The following CCDC171 variants were observed in gnomAD, a reference collection of about 807,000 sequenced individuals.
CCDC171 encodes coiled-coil domain-containing protein 171.
Under a neutral mutation model 168.2 loss-of-function variants are expected in CCDC171, and 177 were observed. That is an observed-to-expected ratio of 1.05 (90% CI 0.93 to 1.19). The LOEUF (loss-of-function observed/expected upper bound fraction) is 1.19, where lower values mean the gene tolerates loss of function less well. Ranked by LOEUF, CCDC171 falls within the 50% of genes most tolerant of loss-of-function variation. CCDC171 has a pLI of 0.00. For missense variants in CCDC171, 1,991 were observed against 1,539.0 expected (o/e 1.29, Z -4.91); for synonymous variants, 687 against 540.8 (o/e 1.27, Z -3.75).
chr9:16,078,281 G>C, the CCDC171 span, among the ~76,000 whole-genome samples: 1 of 152,128 alleles, frequency 6.6e-6, no homozygotes, highest in Non-Finnish European at 1.5e-5. Flanking sequence ...TGAATCTAGA[G>C]GGCAGAGCAG....
chr9:15,862,394 ATAT>A (rs2061599677), intron 23 of CCDC171, among the ~76,000 whole-genome samples: 1 of 151,138 alleles, frequency 6.6e-6, no homozygotes, highest in Admixed American at 6.6e-5. Flanking sequence ...TTCTGCCCTA[ATAT>A]TTGTTCCTCT....
intron 3 of CCDC171, among the ~76,000 whole-genome samples, chr9:15,990,627 T>C (rs1483000291): frequency 6.6e-6 from 1 of 152,144 alleles, no homozygotes; most frequent in Non-Finnish European, 1.5e-5. Context: ...AGACACAGAC[T>C]GGCAAACTGG....
chr9:15,699,796 A>G (rs376369671), intron 11 of CCDC171, among the ~76,000 whole-genome samples: 141 of 152,334 alleles, frequency 9.3e-4, no homozygotes, highest in African/African-American at 3.1e-3. Flanking sequence ...AGGTCCCACC[A>G]GAGTAGCCAG....
At chr9:15,943,837 TAA>T (rs1827990750) in intron 25 of CCDC171, among the ~76,000 whole-genome samples, 1 of 151,944 alleles carries the variant, frequency 6.6e-6, no homozygotes, top group Non-Finnish European at 1.5e-5. Flanking sequence ...TGTAGTGCAA[TAA>T]GGTGATAAAT....
intron 24 of CCDC171, among the ~76,000 whole-genome samples, chr9:15,885,139 T>C (rs1213367286): frequency 6.6e-6 from 1 of 152,222 alleles, no homozygotes; most frequent in African/African-American, 2.4e-5. Context: ...AATTTTGGGA[T>C]GATTTCAAAT....
chr9:15,756,556 G>A (rs1006333088), intron 18 of CCDC171, among the ~76,000 whole-genome samples: 1 of 152,096 alleles, frequency 6.6e-6, no homozygotes, highest in African/African-American at 2.4e-5. Flanking sequence ...TACTCTAGTA[G>A]TCCCCAGTGT....
chr9:15,686,428 T>C (rs1381367540), intron 10 of CCDC171, among the ~76,000 whole-genome samples: 1 of 151,928 alleles, frequency 6.6e-6, no homozygotes, highest in African/African-American at 2.4e-5. Flanking sequence ...ATCGGGAGAA[T>C]GGCGTGAACC....
chr9:15,727,720 A>G (rs1467571764), intron 14 of CCDC171, 149 bp from the exon 15 acceptor site: 1 of 545,890 alleles, frequency 1.8e-6, no homozygotes, highest in South Asian at 4.3e-5. Context: ...AGTTTTGATT[A>G]TAAAAAAAGT....
At chr9:15,990,261 T>G (rs950334475) in intron 3 of CCDC171, among the ~76,000 whole-genome samples, 2 of 151,058 alleles carry the variant, frequency 1.3e-5, no homozygotes, top group African/African-American at 5.0e-5. Flanking sequence ...AGAAGAGAAG[T>G]GGGGGCCAAT....
Position 15,590,184 on chromosome 9 carries a change from C to T in CCDC171, c.353-1182C>T, listed in dbSNP as rs77330823. On this transcript the variant is annotated intron_variant, in intron 4 of 25. Transcript: ENST00000380701. ...ATGAGAGACCATGGAAGAATGTCTTCTGGAGATGGCAGCTGAATGGGAGGG... is the reference window on the plus strand; with the variant it reads ...ATGAGAGACCATGGAAGAATGTCTTTTGGAGATGGCAGCTGAATGGGAGGG... 2.9e-3 allele frequency among the ~76,000 whole-genome samples: 440 copies of T among 152,260 alleles called. 4 individuals are homozygous for T. Among genetic ancestry groups the T allele is most frequent in the East Asian group, 0.026 (137 of 5,176 alleles).
At chr9:15,648,513 CA>C (rs1318458585) in intron 7 of CCDC171, among the ~76,000 whole-genome samples, 1 of 152,132 alleles carries the variant, frequency 6.6e-6, no homozygotes. Context: ...CGTCTCAGCC[CA>C]AAATCTCCTT....
At chr9:15,950,332 C>A in intron 25 of CCDC171, among the ~76,000 whole-genome samples, 1 of 152,002 alleles carries the variant, frequency 6.6e-6, no homozygotes, top group Non-Finnish European at 1.5e-5. Context: ...TCTGATTCAC[C>A]AAAGTTGAAA....
At chr9:15,583,828 T>C (rs1034346685) in intron 4 of CCDC171, among the ~76,000 whole-genome samples, 9 of 152,196 alleles carry the variant, frequency 5.9e-5, no homozygotes, top group African/African-American at 2.2e-4. Context: ...AAAAGTGTTT[T>C]TGTTAACTTC....
At chr9:15,650,323 C>A (rs1217766325) in intron 7 of CCDC171, among the ~76,000 whole-genome samples, 1 of 151,904 alleles carries the variant, frequency 6.6e-6, no homozygotes, top group Admixed American at 6.6e-5. Context: ...GGGTGCAGCA[C>A]ACCAACATGG....
downstream of CCDC171, among the ~76,000 whole-genome samples, chr9:16,065,770 A>T (rs367744436): frequency 6.6e-6 from 1 of 150,998 alleles, no homozygotes; most frequent in East Asian, 2.0e-4. Context: ...CAGTTTTCCT[A>T]TCTGTGAAAT....
intron 18 of CCDC171, among the ~76,000 whole-genome samples, chr9:15,763,376 T>C (rs2056553419): frequency 1.3e-5 from 2 of 152,342 alleles, no homozygotes; most frequent in African/African-American, 2.4e-5. Flanking sequence ...CTAGTTCTTT[T>C]CCTCTTCTTG....
intron 6 of CCDC171, among the ~76,000 whole-genome samples, chr9:15,601,105 T>A (rs1309424299): frequency 1.3e-5 from 2 of 152,208 alleles, no homozygotes; most frequent in Non-Finnish European, 2.9e-5. Context: ...TGCCTCGCCC[T>A]GCTTCGACTC....
At chr9:15,623,769 G>A (rs552617730) in intron 7 of CCDC171, among the ~76,000 whole-genome samples, 1 of 152,098 alleles carries the variant, frequency 6.6e-6, no homozygotes, top group East Asian at 1.9e-4. Context: ...GTGTACATAG[G>A]TTCTAAATCA....
chr9:16,028,797 G>A (rs1833319566), intron 6 of CCDC171, among the ~76,000 whole-genome samples: 1 of 152,184 alleles, frequency 6.6e-6, no homozygotes. Flanking sequence ...ACTTGGCATG[G>A]CAGGGATGCT....
Sources: allele counts gnomAD v4.1 joint callset (sites outside exome capture counted in the v4.1 genomes callset), GRCh38; gene constraint gnomAD v4.1.1; transcripts MANE v1.5; gene names NCBI Gene and HGNC (gene_info 2026-07-23, HGNC 2026-07-21).